MAP2K1: variants seen among roughly 807,000 people sequenced by gnomAD.
The protein encoded by MAP2K1 is dual specificity mitogen-activated protein kinase kinase 1.
Under a neutral mutation model 46.3 loss-of-function variants are expected in MAP2K1, and 16 were observed. The observed-to-expected ratio is 0.35, with a 90% CI of 0.23 to 0.52. MAP2K1 has a LOEUF of 0.52. Among genes scored for constraint, MAP2K1 ranks in the 20% least tolerant of loss-of-function variants. The pLI, the probability that MAP2K1 is intolerant of heterozygous loss-of-function variation, is 0.94. For missense variants in MAP2K1, 263 were observed against 497.1 expected (o/e 0.53, Z 4.48); for synonymous variants, 183 against 185.6 (o/e 0.99, Z 0.11).
At chr15:66,391,022 T>C (rs977257745) in intron 1 of MAP2K1, among the ~76,000 whole-genome samples, 1 of 151,254 alleles carries the variant, frequency 6.6e-6, no homozygotes, top group Non-Finnish European at 1.5e-5. Context: ...CTCAGAGGAA[T>C]GTGGTCCCTC....
intron 1 of MAP2K1, among the ~76,000 whole-genome samples, chr15:66,417,992 T>C (rs1294080929): frequency 6.6e-6 from 1 of 152,140 alleles, no homozygotes; most frequent in Non-Finnish European, 1.5e-5. Flanking sequence ...CTTGGCATCT[T>C]CAACAAAGAA....
intron 5 of MAP2K1, among the ~76,000 whole-genome samples, chr15:66,467,855 C>G (rs919577693): frequency 6.6e-6 from 1 of 152,142 alleles, no homozygotes; most frequent in Admixed American, 6.5e-5. Flanking sequence ...GCCACCGCGC[C>G]CGGTGGCTCA....
chr15:66,435,284 C>A, intron 2 of MAP2K1, 47 bp downstream of exon 2: 1 of 1,496,210 alleles, frequency 6.7e-7, no homozygotes, highest in Non-Finnish European at 9.3e-7. Flanking sequence ...TCTCAGGGTA[C>A]TTAGAAGCCT....
At chr15:66,429,229 A>G (rs897486009) in intron 1 of MAP2K1, among the ~76,000 whole-genome samples, 18 of 152,144 alleles carry the variant, frequency 1.2e-4, no homozygotes, top group African/African-American at 4.3e-4. Flanking sequence ...GTAAACATAC[A>G]CTCACGGCAT....
intron 1 of MAP2K1, among the ~76,000 whole-genome samples, chr15:66,433,184 C>A (rs1305594924): frequency 6.6e-6 from 1 of 152,094 alleles, no homozygotes; most frequent in Admixed American, 6.6e-5. Context: ...GCACTGTGCA[C>A]CCCCAGCCAC....
chr15:66,447,686 C>CAAA lies in MAP2K1; in HGVS notation c.568+2992_568+2994dup, dbSNP rs34064163. 1.6e-3 allele frequency among the ~76,000 whole-genome samples: 224 copies of CAAA among 136,546 alleles called. 1 individual carries two copies. Among genetic ancestry groups the CAAA allele is most frequent in the Admixed American group, 3.0e-3 (40 of 13,510 alleles). 89.6% of individuals were successfully genotyped at this position (136,546 alleles called of 152,430 possible). ...AGCCTGGGCGACAGAGACTCTGTCT[C>CAAA]AAAAAAAAAAAAAAAGTTTAATTGT... is the stretch of plus-strand genomic sequence containing the variant. On this transcript the variant is annotated intron_variant, in intron 5 of 10. Transcript: ENST00000307102.
At chr15:66,463,967 A>G (rs1487092111) in intron 5 of MAP2K1, among the ~76,000 whole-genome samples, 1 of 152,226 alleles carries the variant, frequency 6.6e-6, no homozygotes, top group Non-Finnish European at 1.5e-5. Flanking sequence ...CAGAGGAGGC[A>G]GTCAGATATG....
rs2093484116 is a variant in MAP2K1 at position 66,435,081 on chromosome 15, G to T, written c.135G>T (p.Gln45His). The T allele has an allele frequency of 1.9e-6, 3 of 1,614,148 alleles. No individual in the cohort carries two copies. Among genetic ancestry groups the T allele is most frequent in the Non-Finnish European group, 2.5e-6 (3 of 1,180,014 alleles). ...KKLEELELDEQQRKRLEAFLT... is the reference protein window; with the variant it reads ...KKLEELELDEHQRKRLEAFLT... ...TGGAGGAGCTAGAGCTTGATGAGCA[G>T]CAGCGAAAGCGCCTTGAGGCCTTTC... is the stretch of plus-strand genomic sequence containing the variant. Residue 45 changes from glutamine (Q) to histidine (H), a missense_variant, in exon 2 of 11, where the codon CAG (glutamine) becomes CAT (histidine). Physicochemically the swap from Gln to His is conservative, Grantham distance 24. This residue lies in a region of MAP2K1 where 103 missense variants were observed against 221.6 expected (regional missense o/e 0.46). Transcript: ENST00000307102.
At chr15:66,477,927 C>T (rs1338257952) in intron 5 of MAP2K1, among the ~76,000 whole-genome samples, 2 of 152,086 alleles carry the variant, frequency 1.3e-5, no homozygotes, top group East Asian at 1.9e-4. Context: ...GGCCAGGTAC[C>T]CAACACCGGT....
intron 5 of MAP2K1, among the ~76,000 whole-genome samples, chr15:66,462,099 A>G (rs1368085931): frequency 6.6e-6 from 1 of 152,232 alleles, no homozygotes; most frequent in Non-Finnish European, 1.5e-5. Flanking sequence ...ACTGTACTTT[A>G]CAAGTCAGAT....
At chr15:66,387,729 C>T (rs530056106) in intron 1 of MAP2K1, among the ~76,000 whole-genome samples, 1 of 152,230 alleles carries the variant, frequency 6.6e-6, no homozygotes, top group African/African-American at 2.4e-5. Flanking sequence ...TCTCCCCTGC[C>T]TCCTCCCAGT....
chr15:66,421,083 TACACACACATAC>T (rs1165057826), intron 1 of MAP2K1, among the ~76,000 whole-genome samples: 2 of 75,504 alleles, frequency 2.6e-5, no homozygotes, highest in African/African-American at 6.0e-5. Flanking sequence ...TATATACACA[TACACACACATAC>T]ACACACACAC....
At chr15:66,416,343 C>G (rs1331906439) in intron 1 of MAP2K1, among the ~76,000 whole-genome samples, 1 of 151,868 alleles carries the variant, frequency 6.6e-6, no homozygotes, top group Non-Finnish European at 1.5e-5. Context: ...TACACACCCC[C>G]CTACAATCCC....
chr15:66,456,724 T>C (rs1595872184), intron 5 of MAP2K1, among the ~76,000 whole-genome samples: 2 of 152,176 alleles, frequency 1.3e-5, no homozygotes, highest in African/African-American at 4.8e-5. Context: ...TCCAGGGGAC[T>C]AGTGTTGCCT....
At chr15:66,445,824 T>C (rs1891853112) in intron 5 of MAP2K1, among the ~76,000 whole-genome samples, 1 of 151,692 alleles carries the variant, frequency 6.6e-6, no homozygotes, top group Non-Finnish European at 1.5e-5. Context: ...TAGGGAGAGA[T>C]TAAAGGAGCA....
At chr15:66,472,106 T>C in intron 5 of MAP2K1, among the ~76,000 whole-genome samples, 1 of 143,174 alleles carries the variant, frequency 7.0e-6, no homozygotes, top group African/African-American at 2.6e-5. Context: ...TGCTGTTAGC[T>C]AGCCTGGCCA....
chr15:66,414,887 C>G (rs781092786), intron 1 of MAP2K1: 20 of 320,778 alleles, frequency 6.2e-5, no homozygotes, highest in South Asian at 4.8e-4. Context: ...TGGAGGGGCT[C>G]GGGCCAAGAA....
chr15:66,475,544 G>A (rs1010745968), intron 5 of MAP2K1, among the ~76,000 whole-genome samples: 3 of 151,870 alleles, frequency 2.0e-5, no homozygotes, highest in Admixed American at 6.6e-5. Flanking sequence ...AAGCCCCACC[G>A]TCTTCCATCT....
chr15:66,452,287 T>TAAAAA (rs146502834), intron 5 of MAP2K1, among the ~76,000 whole-genome samples: 14 of 103,570 alleles, frequency 1.4e-4, no homozygotes, highest in South Asian at 3.6e-4. Context: ...TAGAGTATAA[T>TAAAAA]AAAAAAAAAA....
Sources: gnomAD v4.1 joint callset for allele counts (sites outside exome capture counted in the v4.1 genomes callset) on GRCh38, gnomAD v4.1.1 for gene constraint, gnomAD v4.1.1 regional missense constraint, MANE v1.5 for transcripts, NCBI Gene and HGNC (gene_info 2026-07-23, HGNC 2026-07-21) for gene names.